CSMD3: variants seen among roughly 807,000 people sequenced by gnomAD.
CSMD3 encodes CUB and sushi domain-containing protein 3.
CSMD3 carries 177 observed loss-of-function variants against 435.2 expected under a neutral mutation model. That is an observed-to-expected ratio of 0.41 (90% confidence interval 0.36 to 0.46). CSMD3 has a LOEUF of 0.46. CSMD3 is among the 20% of genes least tolerant of loss of function. CSMD3 has a pLI of 0.34. For missense variants in CSMD3, 4,265 were observed against 4,504.6 expected, an observed-to-expected ratio of 0.95 and a Z score of 1.52; for synonymous variants, 1,656 against 1,520.5, an observed-to-expected ratio of 1.09 and a Z score of -2.07.
At chr8:112,470,005 C>T (rs145685490) in intron 32 of CSMD3, among the ~76,000 whole-genome samples, 393 of 152,102 alleles carry the variant, frequency 2.6e-3, no homozygotes, top group African/African-American at 9.1e-3. Flanking sequence ...GAAGCAGAAG[C>T]AAAATAGAAA....
intron 2 of CSMD3, among the ~76,000 whole-genome samples, chr8:113,294,272 T>C (rs965652200): frequency 9.2e-5 from 14 of 152,214 alleles, no homozygotes; most frequent in South Asian, 8.3e-4. Flanking sequence ...TCAGCATAAT[T>C]ATTTTAACTA....
intron 35 of CSMD3, among the ~76,000 whole-genome samples, chr8:112,393,066 G>C (rs1830578292): frequency 1.3e-5 from 2 of 151,774 alleles, no homozygotes; most frequent in South Asian, 4.2e-4. Context: ...TTTTTATATA[G>C]CTAATTTGTA....
chr8:112,672,152 G>A (rs2075672247), intron 16 of CSMD3, among the ~76,000 whole-genome samples: 1 of 152,014 alleles, frequency 6.6e-6, no homozygotes, highest in Non-Finnish European at 1.5e-5. Flanking sequence ...TGTCCCAGGG[G>A]CATTAGGAAA....
rs1820820178 is a variant in CSMD3, at chr8:112,492,701, T to A, written c.5084-18A>T. 1 of 1,603,536 alleles carries A rather than the reference T, an allele frequency of 6.2e-7. No individual in the cohort carries two copies. The highest frequency in any genetic ancestry group is 1.1e-5 in the South Asian group (1 of 90,846). Reference sequence around the variant, plus strand: ...CAGTTTTGCTGTAAAACAGTGTTAGTATAACATTAATTGCTTTAAAATACA... The same window carrying A: ...CAGTTTTGCTGTAAAACAGTGTTAGAATAACATTAATTGCTTTAAAATACA... On this transcript the variant is annotated intron_variant, in intron 30 of 70. Coordinates refer to ENST00000297405, the MANE Select transcript of CSMD3 (RefSeq NM_198123.2).
At chr8:113,355,721 T>TA (rs1269482468) in intron 1 of CSMD3, among the ~76,000 whole-genome samples, 10 of 69,502 alleles carry the variant, frequency 1.4e-4, no homozygotes, top group African/African-American at 4.4e-4. Context: ...AAGTTTTATT[T>TA]TTATATATAT....
chr8:112,758,412 T>A (rs2077756468), intron 13 of CSMD3, among the ~76,000 whole-genome samples: 1 of 152,110 alleles, frequency 6.6e-6, no homozygotes, highest in Non-Finnish European at 1.5e-5. Context: ...TCCCAAAATT[T>A]AAAATATTCT....
intron 27 of CSMD3, among the ~76,000 whole-genome samples, chr8:112,528,549 A>G (rs548727028): frequency 6.6e-6 from 1 of 152,318 alleles, no homozygotes; most frequent in Admixed American, 6.5e-5. Flanking sequence ...AATAATTCCA[A>G]TAAAAAGAAC....
intron 5 of CSMD3, among the ~76,000 whole-genome samples, chr8:113,059,416 C>A (rs926828600): frequency 6.6e-6 from 1 of 152,094 alleles, no homozygotes; most frequent in Non-Finnish European, 1.5e-5. Flanking sequence ...CATCTTACTT[C>A]CCTAGTTTAC....
chr8:112,224,382 G>T lies in CSMD3; in HGVS notation c.*389C>A, dbSNP rs1296690905. On this transcript the variant is annotated 3_prime_UTR_variant, in exon 71 of 71. Coordinates refer to ENST00000297405, the MANE Select transcript of CSMD3 (RefSeq NM_198123.2). ...AGAAGTCAGTGATCTATTGACTCTTGTAAGTATAGCTCTTATTTCTACCCT... is the reference window on the plus strand; with the variant it reads ...AGAAGTCAGTGATCTATTGACTCTTTTAAGTATAGCTCTTATTTCTACCCT... The T allele has an allele frequency of 3.7e-6, 1 of 269,016 alleles. No individual in the cohort carries two copies. The highest frequency in any genetic ancestry group is 7.3e-6 in the Non-Finnish European group (1 of 136,178). 16.7% of individuals were successfully genotyped at this position (269,016 alleles called of 1,614,324 possible). A position where few individuals can be genotyped will look rare whatever the true frequency, so the allele number is the denominator to read the frequency against.
In CSMD3 at chr8:112,620,772, T is replaced by G. The variant is rs993342502; in HGVS notation, c.3715+16045A>C. On this transcript the variant is annotated intron_variant, in intron 22 of 70. Transcript: ENST00000297405. ...GTTTTTTGCCTCTATAATTTCCTAC[T>G]CCTTAATCCTTCCCGGGATCACACC... is the stretch of plus-strand genomic sequence containing the variant. Among the ~76,000 whole-genome samples, 7 of 152,254 alleles carry G rather than the reference T, an allele frequency of 4.6e-5. No homozygotes were observed. The South Asian group carries it at 8.3e-4, about 18-fold the overall frequency.
chr8:113,436,916 T>G lies in CSMD3; in HGVS notation c.-62A>C. On this transcript the variant is annotated 5_prime_UTR_variant, in exon 1 of 71. Coordinates refer to ENST00000297405, the MANE Select transcript of CSMD3 (RefSeq NM_198123.2). ...GGCGCAGTGGAGTTGTTGCTGTTGTTGGTGCGCGGTCACAGCTCGGAGTGA... is the reference window on the plus strand; with the variant it reads ...GGCGCAGTGGAGTTGTTGCTGTTGTGGGTGCGCGGTCACAGCTCGGAGTGA... 1 of 1,587,930 alleles carries G rather than the reference T, an allele frequency of 6.3e-7. No individual in the cohort carries two copies. Among genetic ancestry groups the G allele is most frequent in the Non-Finnish European group, 8.6e-7 (1 of 1,158,526 alleles).
intron 10 of CSMD3, among the ~76,000 whole-genome samples, chr8:112,884,688 C>A (rs1394881636): frequency 2.0e-5 from 3 of 150,720 alleles, no homozygotes; most frequent in African/African-American, 7.3e-5. Flanking sequence ...TTTTTTTTTC[C>A]ACCTAATCTC....
At chr8:113,245,900 A>G (rs116977460) in intron 3 of CSMD3, among the ~76,000 whole-genome samples, 1 of 151,998 alleles carries the variant, frequency 6.6e-6, no homozygotes, top group South Asian at 2.1e-4. Flanking sequence ...GCTACTATAA[A>G]TTCTTGGTTG....
chr8:113,212,480 A>G (rs765622728), intron 3 of CSMD3, among the ~76,000 whole-genome samples: 12 of 152,176 alleles, frequency 7.9e-5, no homozygotes, highest in Non-Finnish European at 1.3e-4. Flanking sequence ...GACTGGATAC[A>G]TACTGAACTA....
At chr8:113,305,082 A>G (rs2093808350) in intron 2 of CSMD3, among the ~76,000 whole-genome samples, 1 of 146,928 alleles carries the variant, frequency 6.8e-6, no homozygotes, top group Admixed American at 6.8e-5. Context: ...ATTCTCACTC[A>G]TAGGTGGGAA....
At chr8:112,716,893 A>G (rs1312945196) in intron 13 of CSMD3, among the ~76,000 whole-genome samples, 2 of 152,146 alleles carry the variant, frequency 1.3e-5, no homozygotes, top group African/African-American at 4.8e-5. Flanking sequence ...CTGAAGCTGG[A>G]CCCCTTCCTT....
chr8:112,603,962 T>C (rs537611125), intron 22 of CSMD3, among the ~76,000 whole-genome samples: 351 of 152,306 alleles, frequency 2.3e-3, no homozygotes, highest in African/African-American at 8.0e-3. Flanking sequence ...ATCTTCATTA[T>C]GTAAATCTAG....
chr8:112,489,754 A>G (rs1820502063), intron 31 of CSMD3, among the ~76,000 whole-genome samples: 1 of 152,156 alleles, frequency 6.6e-6, no homozygotes, highest in Non-Finnish European at 1.5e-5. Context: ...TTGTTTTACT[A>G]TACTAGAAAT....
intron 11 of CSMD3, among the ~76,000 whole-genome samples, chr8:112,831,140 A>G (rs948161933): frequency 2.0e-5 from 3 of 152,146 alleles, no homozygotes; most frequent in African/African-American, 4.8e-5. Context: ...TAATATTTGC[A>G]TTGACTAAAA....
Sources: allele counts gnomAD v4.1 joint callset (sites outside exome capture counted in the v4.1 genomes callset), GRCh38; gene constraint gnomAD v4.1.1; transcripts MANE v1.5; gene names NCBI Gene and HGNC (gene_info 2026-07-23, HGNC 2026-07-21).